The following TTC12 variants were observed in gnomAD, a reference collection of about 807,000 sequenced individuals.
The protein encoded by TTC12 is tetratricopeptide repeat protein 12.
Under a neutral mutation model 90.1 loss-of-function variants are expected in TTC12, and 70 were observed. That is an observed-to-expected ratio of 0.78 (90% confidence interval 0.64 to 0.95). The LOEUF is 0.95. Among genes scored for constraint, TTC12 ranks in the 40% least tolerant of loss-of-function variants. TTC12 has a pLI of 0.00. For missense variants in TTC12, 819 were observed against 846.1 expected (o/e 0.97, Z 0.40); for synonymous variants, 296 against 311.5 (o/e 0.95, Z 0.53).
intron 16 of TTC12, among the ~76,000 whole-genome samples, chr11:113,353,446 T>C (rs530737361): frequency 6.6e-6 from 1 of 152,366 alleles, no homozygotes; most frequent in African/African-American, 2.4e-5. Context: ...TAATTTCCTT[T>C]GCTGTGCAGA....
rs528675600 is a variant in TTC12, at chr11:113,363,954, C to T, written c.1816+27C>T. On this transcript the variant is annotated intron_variant, in intron 20 of 21. Transcript: ENST00000529221. The stretch of plus-strand genomic sequence containing the variant: ...TAAGTGATGATTTCCTTAAGGGAGC[C>T]CTTGTCCCAGAGGTTCATCCACCCT... 2.7e-5 allele frequency: 42 copies of T among 1,545,978 alleles called. 1 individual carries two copies. In the South Asian group the frequency reaches 4.7e-4, roughly 17 times the overall value.
chr11:113,344,337 T>A lies in TTC12; in HGVS notation c.1051T>A (p.Ser351Thr), dbSNP rs1555147255. The A allele has an allele frequency of 1.2e-6, 2 of 1,614,182 alleles. No individual in the cohort carries two copies. Among genetic ancestry groups the A allele is most frequent in the Admixed American group, 3.3e-5 (2 of 60,024 alleles). ...RARLLAALLS[S>T]KVLAIRQQSF... is the part of the protein sequence containing the mutation. ...CAGGCTGTTGGCCGCCCTCTTGTCC[T>A]CCAAGGTCCTGGCCATCCGGCAGCA... Residue 351 changes from serine to threonine, a missense_variant, in exon 13 of 22, where the codon TCC becomes ACC. Transcript: ENST00000529221.
chr11:113,356,181 C>T (rs557778066), intron 16 of TTC12, among the ~76,000 whole-genome samples: 52 of 152,314 alleles, frequency 3.4e-4, no homozygotes, highest in Non-Finnish European at 3.7e-4. Flanking sequence ...GAACCCTTTA[C>T]CAATATGTGT....
At chr11:113,365,290 G>A (rs1950148734) in intron 21 of TTC12, among the ~76,000 whole-genome samples, 1 of 152,122 alleles carries the variant, frequency 6.6e-6, no homozygotes, top group South Asian at 2.1e-4. Context: ...TGTCTGACAG[G>A]GACGTGCTGC....
intron 11 of TTC12, 35 bp downstream of exon 11, chr11:113,340,768 G>A: frequency 3.8e-6 from 6 of 1,559,238 alleles, no homozygotes; most frequent in Non-Finnish European, 5.3e-6. Flanking sequence ...CAGCAGCAAA[G>A]CAAGGGAAGA....
At chr11:113,326,814 G>A (rs1029017272) in intron 6 of TTC12, among the ~76,000 whole-genome samples, 10 of 152,102 alleles carry the variant, frequency 6.6e-5, no homozygotes, top group African/African-American at 2.4e-4. Context: ...CTTTTTGAGG[G>A]CAAAAACTGC....
At chr11:113,369,886 C>T (rs748544476), downstream of TTC12, among the ~76,000 whole-genome samples, 11 of 152,242 alleles carry the variant, frequency 7.2e-5, no homozygotes, top group Non-Finnish European at 1.6e-4. Flanking sequence ...CTCCCACCCT[C>T]ACGGATCTGC....
chr11:113,315,809 A>G (rs1555135174), intron 1 of TTC12: 3 of 153,754 alleles, frequency 2.0e-5, no homozygotes, highest in African/African-American at 7.2e-5. Flanking sequence ...ATTTAGATGC[A>G]AATTGCCCCA....
At chr11:113,368,145 A>G, downstream of TTC12, 1 of 1,331,400 alleles carries the variant, frequency 7.5e-7, no homozygotes, top group Non-Finnish European at 9.9e-7. Context: ...TTCCCCAAAG[A>G]GTGGGGAATG....
At chr11:113,335,239 C>T (rs889466444) in intron 8 of TTC12, among the ~76,000 whole-genome samples, 2 of 152,164 alleles carry the variant, frequency 1.3e-5, no homozygotes, top group Non-Finnish European at 2.9e-5. Flanking sequence ...GGACTCTCTT[C>T]TGCAACATCC....
In TTC12 at chr11:113,329,942, A is replaced by G. The variant is rs1018186195; in HGVS notation, c.467A>G (p.Tyr156Cys). The G allele has an allele frequency of 2.6e-5, 42 of 1,613,672 alleles. No homozygotes were observed. Among genetic ancestry groups the G allele is most frequent in the Non-Finnish European group, 3.3e-5 (39 of 1,179,646 alleles). Reference protein sequence around the residue: ...RAQAYMKLEDYEKALVDCEWA... With the variant: ...RAQAYMKLEDCEKALVDCEWA... ...CAGGCTTATATGAAACTTGAGGACT[A>G]TGAGAAGGCACTGGTGGATTGTGAG... The change falls in exon 7 of 22, where the codon TAT becomes TGT. Residue 156 changes from tyrosine (Y) to cysteine (C), a missense_variant. Tyr to Cys is a radical substitution (Grantham distance 194). Coordinates refer to ENST00000529221, the MANE Select transcript of TTC12 (RefSeq NM_017868.4).
chr11:113,356,877 C>A (rs185877655), intron 16 of TTC12, among the ~76,000 whole-genome samples: 4 of 151,850 alleles, frequency 2.6e-5, no homozygotes, highest in South Asian at 4.2e-4. Flanking sequence ...TTCATTTTGA[C>A]CTTGGAGAAT....
intron 13 of TTC12, among the ~76,000 whole-genome samples, chr11:113,348,425 CTT>C (rs1284546468): frequency 3.9e-5 from 6 of 152,166 alleles, no homozygotes; most frequent in Non-Finnish European, 5.9e-5. Context: ...ATGAGTGTCT[CTT>C]TGTGTTTTTA....
At position 113,339,344 on chromosome 11, in the gene TTC12, C is replaced by T. The variant is rs202103263; in HGVS notation, c.696C>T (p.His232=). The change falls in exon 10 of 22, where the codon CAC becomes CAT. Residue 232 remains histidine, a synonymous_variant. Coordinates refer to ENST00000529221, the MANE Select transcript of TTC12 (RefSeq NM_017868.4). The part of the protein sequence containing the change: ...EKADLQEKEA[H]ELLDSGKNTA... ...CAGACCTTCAAGAAAAGGAAGCCCA[C>T]GAACTGCTGGATTCAGGAAAGAACA... The T allele has an allele frequency of 1.4e-5, 22 of 1,613,498 alleles. No individual in the cohort carries two copies. Among genetic ancestry groups the T allele is most frequent in the African/African-American group, 1.2e-4 (9 of 74,910 alleles).
chr11:113,347,587 A>G (rs1949042016), intron 13 of TTC12, among the ~76,000 whole-genome samples: 2 of 152,174 alleles, frequency 1.3e-5, no homozygotes, highest in Admixed American at 1.3e-4. Flanking sequence ...CCTGCCCCGT[A>G]CTATTCTGGG....
At chr11:113,327,700 G>T (rs1555141451) in intron 6 of TTC12, among the ~76,000 whole-genome samples, 1 of 152,142 alleles carries the variant, frequency 6.6e-6, no homozygotes, top group East Asian at 1.9e-4. Flanking sequence ...GACTTCTTCA[G>T]AGTCTGCATG....
Position 113,316,296 on chromosome 11 carries a change from TA to T in TTC12, c.44del (p.Asn15MetfsTer8). 1.4e-6 allele frequency: 2 copies of T among 1,470,036 alleles called. No homozygotes were observed. Among genetic ancestry groups the T allele is most frequent in the Non-Finnish European group, 1.8e-6 (2 of 1,106,452 alleles). 91.1% of individuals were successfully genotyped at this position (1,470,036 alleles called of 1,614,324 possible). ...DKEKDLQKFL[K>X]NVDEISNLIQ... ...AAGAGAAAGATTTGCAGAAATTTCTTAAAAATGTGGATGAAATCTGTAAGTA... is the reference window on the plus strand; with the variant it reads ...AAGAGAAAGATTTGCAGAAATTTCTTAAAATGTGGATGAAATCTGTAAGTA... On this transcript the variant is annotated frameshift_variant, in exon 2 of 22. Coordinates refer to ENST00000529221, the MANE Select transcript of TTC12 (RefSeq NM_017868.4). LOFTEE classifies it high-confidence loss of function.
At chr11:113,354,877 A>T (rs115598181) in intron 16 of TTC12, among the ~76,000 whole-genome samples, 4,966 of 150,868 alleles carry the variant, frequency 0.033, 272 homozygotes, top group African/African-American at 0.11. Flanking sequence ...TGTTGAGGAT[A>T]TTTGCATGAA....
chr11:113,335,035 G>A lies in TTC12; in HGVS notation c.574G>A (p.Val192Met), dbSNP rs782171368. 20 of 1,610,260 alleles carry A rather than the reference G, an allele frequency of 1.2e-5. No individual in the cohort carries two copies. In the African/African-American group the frequency reaches 2.7e-4, roughly 22 times the overall value. ...CAACCTGGCCCTGAAGAACTACAGT[G>A]TGGTAAGTTCTTAGAGGAATGTAAT... The part of the protein sequence containing the change: ...KANLALKNYS[V>M]SRECYKKILE... Residue 192 changes from valine to methionine, a missense_variant and splice_region_variant, in exon 8 of 22, where the codon GTG becomes ATG. Val to Met is a conservative substitution (Grantham distance 21). Transcript: ENST00000529221.
Sources: gnomAD v4.1 joint callset for allele counts (sites outside exome capture counted in the v4.1 genomes callset) on GRCh38, gnomAD v4.1.1 for gene constraint, MANE v1.5 for transcripts, NCBI Gene and HGNC (gene_info 2026-07-23, HGNC 2026-07-21) for gene names.